Variants in MALRD1 observed in about 807,000 individuals in gnomAD.
The protein encoded by MALRD1 is MAM and LDL-receptor class A domain-containing protein 1.
Under a neutral mutation model 242.1 loss-of-function variants are expected in MALRD1, and 247 were observed. That is an observed-to-expected ratio of 1.02 (90% CI 0.92 to 1.13). The LOEUF is 1.13. MALRD1 is among the 50% of genes most tolerant of loss of function. MALRD1 has a pLI of 0.00. For synonymous variants in MALRD1, 995 were observed against 866.6 expected (o/e 1.15, Z -2.60); for missense variants, 2,989 against 2,533.1 (o/e 1.18, Z -3.86).
chr10:19,489,363 C>T, intron 29 of MALRD1: 1 of 544,580 alleles, frequency 1.8e-6, no homozygotes. Context: ...GAGAGTCCAG[C>T]CTCTGATGAA....
At chr10:19,542,981 C>G (rs879908877) in intron 32 of MALRD1, among the ~76,000 whole-genome samples, 4 of 152,060 alleles carry the variant, frequency 2.6e-5, no homozygotes, top group Non-Finnish European at 4.4e-5. Context: ...CCATGGAAAT[C>G]CTGTATTATT....
intron 4 of MALRD1, among the ~76,000 whole-genome samples, chr10:19,097,605 G>A (rs1588538506): frequency 6.6e-6 from 1 of 152,272 alleles, no homozygotes; most frequent in East Asian, 1.9e-4. Flanking sequence ...TTTGTCAGAG[G>A]CATTAGTACC....
chr10:19,684,453 C>T (rs1842492767), intron 36 of MALRD1, among the ~76,000 whole-genome samples: 1 of 152,090 alleles, frequency 6.6e-6, no homozygotes, highest in Admixed American at 6.6e-5. Context: ...ACATGAGTTG[C>T]TACAAAAAAT....
intron 11 of MALRD1, among the ~76,000 whole-genome samples, chr10:19,147,502 G>T (rs1833764303): frequency 6.6e-6 from 1 of 152,110 alleles, no homozygotes. Context: ...ATAGAAAGGG[G>T]ACTATAAATC....
At chr10:19,576,680 C>G (rs1836842384) in intron 33 of MALRD1, among the ~76,000 whole-genome samples, 2 of 152,078 alleles carry the variant, frequency 1.3e-5, no homozygotes, top group South Asian at 4.1e-4. Context: ...AGTCATTACC[C>G]TTATCCCCTC....
rs1452600106 is a variant in MALRD1 at position 19,146,267 on chromosome 10, A to T, written c.1481A>T (p.His494Leu). 71 of 1,231,486 alleles carry T rather than the reference A, an allele frequency of 5.8e-5. No individual in the cohort carries two copies. The highest frequency in any genetic ancestry group is 7.0e-5 in the Non-Finnish European group (69 of 987,902). The allele number at this position is 1,231,486 out of a possible 1,614,324, so 76.3% of individuals were successfully genotyped here. A position where few individuals can be genotyped will look rare whatever the true frequency, so the allele number is the denominator to read the frequency against. Reference protein sequence around the residue: ...GWEPFLTEDSHWKLMKGLNNG... With the variant: ...GWEPFLTEDSLWKLMKGLNNG... ...GAGCCATTTCTCACAGAAGATTCACACTGGAAGCTGATGAAAGGATTGAAT... is the reference window on the plus strand; with the variant it reads ...GAGCCATTTCTCACAGAAGATTCACTCTGGAAGCTGATGAAAGGATTGAAT... Residue 494 changes from histidine to leucine, a missense_variant, in exon 11 of 40, where the codon CAC becomes CTC. Coordinates refer to ENST00000454679, the MANE Select transcript of MALRD1 (RefSeq NM_001142308.3).
At chr10:19,712,216 A>G (rs1227273767) in intron 38 of MALRD1, among the ~76,000 whole-genome samples, 2 of 152,224 alleles carry the variant, frequency 1.3e-5, no homozygotes, top group African/African-American at 4.8e-5. Context: ...GGATGAAAAA[A>G]CGGTGAGCAA....
Position 19,203,719 on chromosome 10 carries a change from G to A in MALRD1, c.1952-9G>A. 6.6e-7 allele frequency: 1 copy of A among 1,518,574 alleles called. No individual in the cohort carries two copies. Among genetic ancestry groups the A allele is most frequent in the African/African-American group, 1.4e-5 (1 of 72,014 alleles). The allele number at this position is 1,518,574 out of a possible 1,614,324, so 94.1% of individuals were successfully genotyped here. On this transcript the variant is annotated splice_polypyrimidine_tract_variant and intron_variant, in intron 14 of 39. Coordinates refer to ENST00000454679, the MANE Select transcript of MALRD1 (RefSeq NM_001142308.3). The stretch of plus-strand genomic sequence containing the variant: ...GAGCCAACATAAGAGCCACATTTTT[G>A]TTCTTCAGTTTCCAAGTGTGACTTT...
At chr10:19,080,195 AAAG>A (rs1161347177) in intron 2 of MALRD1, among the ~76,000 whole-genome samples, 2 of 152,080 alleles carry the variant, frequency 1.3e-5, no homozygotes, top group African/African-American at 4.8e-5. Context: ...CATACTGACC[AAAG>A]TAATTTATAG....
chr10:19,064,242 A>T (rs900704168), intron 1 of MALRD1, among the ~76,000 whole-genome samples: 1 of 152,176 alleles, frequency 6.6e-6, no homozygotes, highest in African/African-American at 2.4e-5. Context: ...CTAATTGTTC[A>T]TTATATTGTC....
intron 28 of MALRD1, among the ~76,000 whole-genome samples, chr10:19,445,270 A>C (rs190225461): frequency 2.0e-5 from 3 of 152,202 alleles, no homozygotes; most frequent in Non-Finnish European, 2.9e-5. Context: ...TTTAGCCCGG[A>C]GAAGTTTGTT....
chr10:19,719,167 TATAC>T lies in MALRD1; in HGVS notation c.6315-11531_6315-11528del, dbSNP rs1252747880. On this transcript the variant is annotated intron_variant, in intron 38 of 39. Transcript: ENST00000454679. ...ACACTGTCCAAATTATATATATATATATACATACATATATATATATATACATACA... is the reference window on the plus strand; with the variant it reads ...ACACTGTCCAAATTATATATATATATATACATATATATATATATACATACA... 1.4e-3 allele frequency among the ~76,000 whole-genome samples: 120 copies of T among 87,398 alleles called. 7 individuals carry two copies. The highest frequency in any genetic ancestry group is 5.8e-3 in the African/African-American group (90 of 15,640). 57.3% of individuals were successfully genotyped at this position (87,398 alleles called of 152,430 possible).
At chr10:19,492,054 C>G (rs1837517678) in intron 30 of MALRD1, among the ~76,000 whole-genome samples, 1 of 149,942 alleles carries the variant, frequency 6.7e-6, no homozygotes, top group South Asian at 2.1e-4. Context: ...AAAATGATCA[C>G]TTTTAATAAA....
chr10:19,120,839 G>T (rs538721223), intron 5 of MALRD1, among the ~76,000 whole-genome samples: 29 of 152,226 alleles, frequency 1.9e-4, no homozygotes, highest in Middle Eastern at 3.4e-3. Context: ...TGCCTCCCGG[G>T]TTCAACTGAT....
intron 26 of MALRD1, among the ~76,000 whole-genome samples, chr10:19,363,984 G>A (rs1022478556): frequency 2.0e-5 from 3 of 152,054 alleles, no homozygotes; most frequent in African/African-American, 7.2e-5. Context: ...TGAAGGCCCT[G>A]AGAATATGAA....
At chr10:19,574,054 T>G (rs563023351) in intron 33 of MALRD1, among the ~76,000 whole-genome samples, 2 of 152,262 alleles carry the variant, frequency 1.3e-5, no homozygotes, top group South Asian at 4.1e-4. Flanking sequence ...AATAGCAAGG[T>G]GCCAAACAAA....
At chr10:19,063,191 T>G (rs1834874287) in intron 1 of MALRD1, among the ~76,000 whole-genome samples, 1 of 152,014 alleles carries the variant, frequency 6.6e-6, no homozygotes, top group African/African-American at 2.4e-5. Flanking sequence ...ACTACAGTAA[T>G]GAAACAAGGG....
intron 34 of MALRD1, among the ~76,000 whole-genome samples, chr10:19,604,682 C>G (rs1378309618): frequency 1.3e-5 from 2 of 152,096 alleles, no homozygotes; most frequent in African/African-American, 4.8e-5. Context: ...GAAGAAGATG[C>G]CACATAGGAC....
chr10:19,183,157 T>C (rs1308527426), intron 14 of MALRD1, among the ~76,000 whole-genome samples: 4 of 151,376 alleles, frequency 2.6e-5, no homozygotes, highest in Middle Eastern at 3.4e-3. Context: ...AAAACTAATT[T>C]TTATACTGTG....
Sources: gnomAD v4.1 joint callset for allele counts (sites outside exome capture counted in the v4.1 genomes callset) on GRCh38, gnomAD v4.1.1 for gene constraint, MANE v1.5 for transcripts, NCBI Gene and HGNC (gene_info 2026-07-23, HGNC 2026-07-21) for gene names.